The following ZNF644 variants were observed in gnomAD, a reference collection of about 807,000 sequenced individuals.
The protein encoded by ZNF644 is zinc finger protein 644.
ZNF644 carries 20 observed loss-of-function variants against 108.0 expected under a neutral mutation model. That is an observed-to-expected ratio of 0.19 (90% CI 0.13 to 0.27). The LOEUF (loss-of-function observed/expected upper bound fraction) is 0.27. Ranked by LOEUF, ZNF644 falls within the 10% of genes least tolerant of loss-of-function variation. ZNF644 has a pLI of 1.00. For synonymous variants in ZNF644, 542 were observed against 539.1 expected, an observed-to-expected ratio of 1.01 and a Z score of -0.08; for missense variants, 1,338 against 1,548.9, an observed-to-expected ratio of 0.86 and a Z score of 2.29.
At chr1:90,945,390 CATA>C (rs1183756348) in intron 2 of ZNF644, among the ~76,000 whole-genome samples, 3 of 151,964 alleles carry the variant, frequency 2.0e-5, no homozygotes, top group Non-Finnish European at 4.4e-5. Context: ...TCTAGAAAAT[CATA>C]ATGAGTTCTA....
chr1:91,020,956 G>A (rs534000321), intron 1 of ZNF644: 6 of 152,264 alleles, frequency 3.9e-5, no homozygotes, highest in Admixed American at 2.0e-4. Flanking sequence ...AAATATAAAC[G>A]TTTTTATATT....
intron 2 of ZNF644, among the ~76,000 whole-genome samples, chr1:90,944,609 C>T (rs746753761): frequency 5.3e-5 from 8 of 150,350 alleles, no homozygotes; most frequent in Non-Finnish European, 1.2e-4. Flanking sequence ...TTCTAGGTCA[C>T]TCGGTAATTC....
chr1:90,978,935 A>G (rs1440237150), intron 2 of ZNF644, among the ~76,000 whole-genome samples: 2 of 152,210 alleles, frequency 1.3e-5, no homozygotes, highest in African/African-American at 2.4e-5. Context: ...GAAAATGTCA[A>G]CGTCTAACTC....
intron 2 of ZNF644, among the ~76,000 whole-genome samples, chr1:90,981,404 A>G (rs1656538087): frequency 6.6e-6 from 1 of 152,070 alleles, no homozygotes; most frequent in Admixed American, 6.6e-5. Context: ...TTTTGCTTCA[A>G]AACATGCCCA....
intron 4 of ZNF644, among the ~76,000 whole-genome samples, chr1:90,930,286 C>G (rs538618027): frequency 2.0e-5 from 3 of 151,754 alleles, no homozygotes; most frequent in Non-Finnish European, 4.4e-5. Context: ...AACTCCGTCT[C>G]ACACACACAC....
At chr1:90,933,507 C>CA (rs971646924) in intron 4 of ZNF644, among the ~76,000 whole-genome samples, 22 of 151,792 alleles carry the variant, frequency 1.4e-4, no homozygotes, top group African/African-American at 4.8e-4. Flanking sequence ...ACTAAAAATA[C>CA]AAAAAAATTT....
chr1:90,965,159 T>A (rs1301533242), intron 2 of ZNF644, among the ~76,000 whole-genome samples: 1 of 152,214 alleles, frequency 6.6e-6, no homozygotes, highest in Non-Finnish European at 1.5e-5. Context: ...AACTGCCTTT[T>A]AACAAAGTCC....
intron 2 of ZNF644, among the ~76,000 whole-genome samples, chr1:90,943,036 A>G (rs1159934614): frequency 6.6e-6 from 1 of 152,198 alleles, no homozygotes; most frequent in Non-Finnish European, 1.5e-5. Context: ...AGGACCTTAC[A>G]ATCTAACATT....
intron 1 of ZNF644, among the ~76,000 whole-genome samples, chr1:90,992,691 C>T (rs1020914149): frequency 6.6e-6 from 1 of 152,162 alleles, no homozygotes; most frequent in African/African-American, 2.4e-5. Context: ...TTGTGAATAG[C>T]CCAATTCTGT....
At chr1:90,999,805 C>G (rs1434671549) in intron 1 of ZNF644, among the ~76,000 whole-genome samples, 4 of 152,058 alleles carry the variant, frequency 2.6e-5, no homozygotes, top group African/African-American at 4.8e-5. Flanking sequence ...CTCACGTGCA[C>G]AGACACAAAT....
At chr1:90,963,419 T>A (rs959340403) in intron 2 of ZNF644, among the ~76,000 whole-genome samples, 2 of 152,154 alleles carry the variant, frequency 1.3e-5, no homozygotes, top group African/African-American at 4.8e-5. Flanking sequence ...ACAATTCATG[T>A]GTCATCTTCT....
intron 2 of ZNF644, among the ~76,000 whole-genome samples, chr1:90,962,452 G>A (rs540042744): frequency 9.1e-4 from 138 of 151,978 alleles, no homozygotes; most frequent in Non-Finnish European, 8.8e-4. Flanking sequence ...ACATTCACAT[G>A]TAAGAAAAGG....
intron 2 of ZNF644, among the ~76,000 whole-genome samples, chr1:90,974,320 C>T (rs1035451233): frequency 6.6e-6 from 1 of 151,962 alleles, no homozygotes; most frequent in Non-Finnish European, 1.5e-5. Context: ...TACAGCAAGA[C>T]TCTTGTCTCA....
chr1:90,958,232 T>TAAAAAAAAAAAAA (rs777224217), intron 2 of ZNF644, among the ~76,000 whole-genome samples: 1 of 41,398 alleles, frequency 2.4e-5, no homozygotes, highest in East Asian at 7.8e-4. Flanking sequence ...GCAAAACTCC[T>TAAAAAAAAAAAAA]AAAAAAAAAA....
At chr1:90,931,370 C>CA (rs34562144) in intron 4 of ZNF644, among the ~76,000 whole-genome samples, 5,564 of 139,266 alleles carry the variant, frequency 0.04, 129 homozygotes, top group Non-Finnish European at 0.049. Flanking sequence ...AACAAAATCT[C>CA]AAAAAAAAAA....
chr1:90,987,843 G>T (rs1239059552), intron 1 of ZNF644, among the ~76,000 whole-genome samples: 1 of 151,898 alleles, frequency 6.6e-6, no homozygotes, highest in African/African-American at 2.4e-5. Context: ...TGACCAAGTG[G>T]GCTTTACTCC....
At chr1:90,994,937 T>C (rs764999485) in intron 1 of ZNF644, among the ~76,000 whole-genome samples, 2 of 152,120 alleles carry the variant, frequency 1.3e-5, no homozygotes, top group Non-Finnish European at 2.9e-5. Flanking sequence ...GTTTGCAGTC[T>C]GGGCCCAGGT....
Position 90,916,039 on chromosome 1 carries a change from T to A in ZNF644, c.*759A>T, listed in dbSNP as rs757845664. 3 of 152,582 alleles carry A rather than the reference T, an allele frequency of 2.0e-5. No individual in the cohort carries two copies. Among genetic ancestry groups the A allele is most frequent in the Non-Finnish European group, 2.9e-5 (2 of 67,998 alleles). 9.5% of individuals were successfully genotyped at this position (152,582 alleles called of 1,614,324 possible). On this transcript the variant is annotated 3_prime_UTR_variant, in exon 6 of 6. Transcript: ENST00000337393. ...TTTAAAATCTATTATGATACAAAAA[T>A]GTAAAGGGTAAATAGCATCTTTGTT... is the stretch of plus-strand genomic sequence containing the variant.
At position 90,915,411 on chromosome 1, in the gene ZNF644, CTTATT is replaced by C. The variant is rs1173693537; in HGVS notation, c.*1382_*1386del. On this transcript the variant is annotated 3_prime_UTR_variant, in exon 6 of 6. Coordinates refer to ENST00000337393, the MANE Select transcript of ZNF644 (RefSeq NM_201269.3). ...ATGTATATACTCTACCAAAATACTCCTTATTTTAACTGTTTTTAACTTTATTTACA... is the reference window on the plus strand; with the variant it reads ...ATGTATATACTCTACCAAAATACTCCTTAACTGTTTTTAACTTTATTTACA... The C allele has an allele frequency of 1.3e-5, 2 of 152,564 alleles. No homozygotes were observed. The highest frequency in any genetic ancestry group is 1.9e-4 in the East Asian group (1 of 5,190). The allele number at this position is 152,564 out of a possible 1,614,324, so 9.5% of individuals were successfully genotyped here. A position where few individuals can be genotyped will look rare whatever the true frequency, so the allele number is the denominator to read the frequency against.
Sources: allele counts gnomAD v4.1 joint callset (sites outside exome capture counted in the v4.1 genomes callset), GRCh38; gene constraint gnomAD v4.1.1; transcripts MANE v1.5; gene names NCBI Gene and HGNC (gene_info 2026-07-23, HGNC 2026-07-21).